Variants in AREL1 observed in about 807,000 individuals in gnomAD.
AREL1 encodes the protein apoptosis-resistant E3 ubiquitin protein ligase 1.
AREL1 carries 62 observed loss-of-function variants against 99.0 expected under a neutral mutation model. The observed-to-expected ratio is 0.63, with a 90% CI of 0.51 to 0.77. AREL1 has a LOEUF of 0.77. AREL1 is among the 30% of genes least tolerant of loss of function. The pLI, the probability that AREL1 is intolerant of heterozygous loss-of-function variation, is 0.00. For synonymous variants in AREL1, 380 were observed against 376.5 expected (o/e 1.01, Z -0.11); for missense variants, 879 against 1,027.6 (o/e 0.86, Z 1.98).
In AREL1 at chr14:74,689,904, T is replaced by C. The variant is rs545267672; in HGVS notation, c.-46+2137A>G. On this transcript the variant is annotated intron_variant, in intron 2 of 19. Transcript: ENST00000356357. ...AGCCACCATGCCCGGCCTAGCACTT[T>C]TATTCTTTTAGTCTCGTTTTTTCAT... Among the ~76,000 whole-genome samples the C allele has an allele frequency of 2.0e-5, 3 of 151,804 alleles. No individual in the cohort carries two copies. The South Asian group carries it at 6.2e-4, about 32-fold the overall frequency.
chr14:74,669,528 G>T, intron 15 of AREL1, 121 bp downstream of exon 15: 3 of 1,246,744 alleles, frequency 2.4e-6, no homozygotes, highest in South Asian at 3.1e-5. Context: ...CCACATTTTG[G>T]GTGTTTAATA....
At chr14:74,712,036 T>A (rs1169756727) in intron 1 of AREL1, 13 of 18,006 alleles carry the variant, frequency 7.2e-4, no homozygotes, top group South Asian at 1.8e-3. Flanking sequence ...GAAGACAAAG[T>A]GCAAAAAAAA....
At chr14:74,711,780 T>C (rs187732892) in intron 1 of AREL1, among the ~76,000 whole-genome samples, 94 of 151,838 alleles carry the variant, frequency 6.2e-4, no homozygotes, top group South Asian at 2.5e-3. Context: ...GAGATGCAGA[T>C]AGATTAACTC....
intron 1 of AREL1, among the ~76,000 whole-genome samples, chr14:74,706,498 CAAG>C (rs1223962399): frequency 6.6e-6 from 1 of 151,916 alleles, no homozygotes; most frequent in Non-Finnish European, 1.5e-5. Context: ...GTTAAGATTC[CAAG>C]AAGAAAAACT....
intron 5 of AREL1, chr14:74,678,219 G>T (rs1457009376): frequency 2.2e-6 from 1 of 455,154 alleles, no homozygotes; most frequent in Non-Finnish European, 4.4e-6. Context: ...TAATCAGGCT[G>T]TGTGACTTGG....
chr14:74,708,260 T>C (rs2090221622), intron 1 of AREL1, among the ~76,000 whole-genome samples: 1 of 152,196 alleles, frequency 6.6e-6, no homozygotes, highest in Non-Finnish European at 1.5e-5. Flanking sequence ...TAATTACAGA[T>C]GGTGCTCCCC....
At chr14:74,701,995 T>C (rs1356774864) in intron 1 of AREL1, among the ~76,000 whole-genome samples, 1 of 152,224 alleles carries the variant, frequency 6.6e-6, no homozygotes, top group Non-Finnish European at 1.5e-5. Context: ...AGAGGTGGGT[T>C]CCCATGGTCT....
rs756890860 is a variant in AREL1 at position 74,663,979 on chromosome 14, A to G, written c.2289T>C (p.Pro763=). 3.1e-6 allele frequency: 5 copies of G among 1,614,234 alleles called. No homozygotes were observed. Among genetic ancestry groups the G allele is most frequent in the Middle Eastern group, 1.6e-4 (1 of 6,062 alleles). ...AGGGACAGAGGGCGGCAAAGCCTCC[A>G]GGTGGTAGCTGAGAGGAGCCTGTTG... ...QFTTGSSQLP[P]GGFAALCPSF... is the part of the protein sequence containing the mutation. Residue 763 remains proline, a synonymous_variant, in exon 19 of 20, where the codon CCT becomes CCC. Transcript: ENST00000356357.
intron 11 of AREL1, 32 bp downstream of exon 11, chr14:74,672,799 G>A (rs1438506819): frequency 1.4e-5 from 22 of 1,612,740 alleles, no homozygotes; most frequent in Non-Finnish European, 1.7e-5. Flanking sequence ...GAAAACTTTG[G>A]TATCTGCTGA....
At chr14:74,677,026 C>T (rs888329291) in intron 5 of AREL1, among the ~76,000 whole-genome samples, 2 of 151,928 alleles carry the variant, frequency 1.3e-5, no homozygotes, top group Admixed American at 1.3e-4. Context: ...GTCTCGATCT[C>T]CTGACCTCCT....
intron 1 of AREL1, among the ~76,000 whole-genome samples, chr14:74,693,115 G>C (rs1451802126): frequency 6.6e-6 from 1 of 152,152 alleles, no homozygotes; most frequent in Non-Finnish European, 1.5e-5. Flanking sequence ...ACAAAGACAA[G>C]TGAGATGAAC....
At chr14:74,704,591 CTTTACTTTTCCCTTTAGCTTAGTGA>C (rs1456055178) in intron 1 of AREL1, among the ~76,000 whole-genome samples, 1 of 152,150 alleles carries the variant, frequency 6.6e-6, no homozygotes, top group African/African-American at 2.4e-5. Flanking sequence ...CAGTTCCCAG[CTTTACTTTTCCCTTTAGCTTAGTGA>C]TTTGGGGGCC....
chr14:74,672,532 T>C (rs559864048), intron 11 of AREL1, among the ~76,000 whole-genome samples: 71 of 152,020 alleles, frequency 4.7e-4, no homozygotes, highest in Admixed American at 7.9e-4. Flanking sequence ...AGTCCAGGAG[T>C]TCGAGACCAG....
At chr14:74,673,639 GA>G (rs1413051856) in intron 9 of AREL1, among the ~76,000 whole-genome samples, 7 of 152,198 alleles carry the variant, frequency 4.6e-5, no homozygotes, top group African/African-American at 1.7e-4. Context: ...TTAGATTCCA[GA>G]AGCCCAGAAA....
At chr14:74,671,504 G>A (rs976555399) in intron 11 of AREL1, 21 bp from the exon 12 acceptor site, 1 of 1,548,530 alleles carries the variant, frequency 6.5e-7, no homozygotes, top group Non-Finnish European at 8.8e-7. Context: ...GTGAAAGGAA[G>A]GGAATTGTCA....
At chr14:74,706,342 G>A (rs1344370978) in intron 1 of AREL1, among the ~76,000 whole-genome samples, 1 of 152,160 alleles carries the variant, frequency 6.6e-6, no homozygotes. Context: ...CAGTCGGGTG[G>A]AACTGGAATG....
At chr14:74,696,683 G>C (rs1242869560) in intron 1 of AREL1, among the ~76,000 whole-genome samples, 1 of 152,120 alleles carries the variant, frequency 6.6e-6, no homozygotes, top group Admixed American at 6.6e-5. Flanking sequence ...AAAATAAATT[G>C]GTCAGGTATG....
At chr14:74,703,264 C>T (rs1013294044) in intron 1 of AREL1, among the ~76,000 whole-genome samples, 1 of 152,128 alleles carries the variant, frequency 6.6e-6, no homozygotes, top group African/African-American at 2.4e-5. Context: ...GCATGTCTTA[C>T]GTGGCAGCAG....
rs552963472 is a variant in AREL1 at position 74,683,493 on chromosome 14, G to T, written c.284C>A (p.Pro95His). Residue 95 changes from proline (P) to histidine (H), a missense_variant, in exon 5 of 20, where the codon CCT becomes CAT. Physicochemically the swap from Pro to His is moderately conservative, Grantham distance 77. Transcript: ENST00000356357. Reference protein sequence around the residue: ...KNGQPFPAHRPVGLRVHISHV... With the variant: ...KNGQPFPAHRHVGLRVHISHV... ...AGAGATGTGAACTCTTAGTCCCACAGGCCGATGTGCAGGGAAAGGCTGCCC... is the reference window on the plus strand; with the variant it reads ...AGAGATGTGAACTCTTAGTCCCACATGCCGATGTGCAGGGAAAGGCTGCCC... 6.8e-6 allele frequency: 11 copies of T among 1,614,096 alleles called. No homozygotes were observed. In the Admixed American group the frequency reaches 1.7e-4, roughly 24 times the overall value.
Sources: allele counts gnomAD v4.1 joint callset (sites outside exome capture counted in the v4.1 genomes callset), GRCh38; gene constraint gnomAD v4.1.1; transcripts MANE v1.5; gene names NCBI Gene and HGNC (gene_info 2026-07-23, HGNC 2026-07-21).